ARHGAP35: variants seen among roughly 807,000 people sequenced by gnomAD.
ARHGAP35 encodes rho GTPase-activating protein 35.
In ARHGAP35, 15 loss-of-function variants were observed where a neutral mutation model predicts 111.1. The ratio of observed to expected loss-of-function variants is 0.13; its 90% CI spans 0.09 to 0.21. The LOEUF is 0.21. Among genes scored for constraint, ARHGAP35 ranks in the 10% least tolerant of loss-of-function variants. The pLI, the probability that ARHGAP35 is intolerant of heterozygous loss-of-function variation, is 1.00. For missense variants in ARHGAP35, 1,262 were observed against 1,873.0 expected (o/e 0.67, Z 6.02); for synonymous variants, 643 against 710.3 (o/e 0.91, Z 1.51).
In ARHGAP35 at chr19:47,001,287, C is replaced by T; in HGVS notation, c.*599C>T. On this transcript the variant is annotated 3_prime_UTR_variant, in exon 7 of 7. Transcript: ENST00000672722. The surrounding 1 kb of genome is among the most constrained non-coding windows in gnomAD (Gnocchi z 5.4). ...AACGGAGGATAGCTTTGTGCCTGGA[C>T]CCAGAGAGTGTGGGACTCCCCGCTT... 7.8e-7 allele frequency: 1 copy of T among 1,290,262 alleles called. No homozygotes were observed. Among genetic ancestry groups the T allele is most frequent in the Non-Finnish European group, 1.0e-6 (1 of 989,270 alleles). 79.9% of individuals were successfully genotyped at this position (1,290,262 alleles called of 1,614,324 possible).
chr19:46,933,808 G>A (rs929090914), intron 2 of ARHGAP35, among the ~76,000 whole-genome samples: 3 of 152,264 alleles, frequency 2.0e-5, no homozygotes, highest in South Asian at 2.1e-4. Context: ...ATGACAGAGC[G>A]AGACCCTATC....
intron 1 of ARHGAP35, among the ~76,000 whole-genome samples, chr19:46,872,737 C>T (rs1212035954): frequency 2.6e-5 from 4 of 151,886 alleles, no homozygotes; most frequent in East Asian, 1.9e-4. Context: ...AAAAATTAGC[C>T]GGGCATGGTG....
Position 46,922,082 on chromosome 19 carries a change from G to A in ARHGAP35, c.3407G>A (p.Ser1136Asn). 6 of 1,614,050 alleles carry A rather than the reference G, an allele frequency of 3.7e-6. No homozygotes were observed. Among genetic ancestry groups the A allele is most frequent in the Non-Finnish European group, 5.1e-6 (6 of 1,179,896 alleles). Residue 1136 changes from serine (S) to asparagine (N), a missense_variant, in exon 2 of 7, where the codon AGT becomes AAT. Around this residue, in one of 8 missense-constraint regions of ARHGAP35, gnomAD observed 579 missense variants for 716.9 expected, o/e 0.81. Coordinates refer to ENST00000672722, the MANE Select transcript of ARHGAP35 (RefSeq NM_004491.5). This position sits in a 1 kb window ranked among gnomAD's most constrained non-coding sequence, Gnocchi z 4.0. ...AACGGCAGCGGGAATGGTTCTGACA[G>A]TGAAATGGACACCAGCTCTCTAGAG... Reference protein sequence around the residue: ...QSNGSGNGSDSEMDTSSLERG... With the variant: ...QSNGSGNGSDNEMDTSSLERG...
chr19:46,982,649 T>G (rs1028593022), intron 3 of ARHGAP35, among the ~76,000 whole-genome samples: 23 of 152,106 alleles, frequency 1.5e-4, no homozygotes, highest in Admixed American at 9.8e-4. Flanking sequence ...GACTAAGACT[T>G]CTCTGGAGCC....
intron 1 of ARHGAP35, among the ~76,000 whole-genome samples, chr19:46,872,470 T>G (rs1009313778): frequency 6.6e-6 from 1 of 152,072 alleles, no homozygotes; most frequent in African/African-American, 2.4e-5. Flanking sequence ...TTGGTTTTTC[T>G]TATAAACATA....
At chr19:46,879,341 C>T (rs528255898) in intron 1 of ARHGAP35, among the ~76,000 whole-genome samples, 1 of 152,128 alleles carries the variant, frequency 6.6e-6, no homozygotes, top group East Asian at 1.9e-4. Context: ...ATAATCCCAG[C>T]ACTTAGGGAG....
chr19:46,903,442 G>A (rs979659236), intron 1 of ARHGAP35, among the ~76,000 whole-genome samples: 2 of 152,190 alleles, frequency 1.3e-5, no homozygotes, highest in African/African-American at 2.4e-5. Flanking sequence ...GTGAGGCCAC[G>A]GAGGGAACCA....
chr19:46,969,507 G>A (rs535238173), intron 3 of ARHGAP35, among the ~76,000 whole-genome samples: 1 of 152,242 alleles, frequency 6.6e-6, no homozygotes, highest in South Asian at 2.1e-4. Flanking sequence ...CGGACTGCTT[G>A]AGGCACTGCT....
chr19:46,874,501 C>CTTTTTTTTTTTTTTTTTT (rs758783354), intron 1 of ARHGAP35, among the ~76,000 whole-genome samples: 3 of 114,466 alleles, frequency 2.6e-5, no homozygotes, highest in Admixed American at 1.0e-4. Flanking sequence ...TATGTTTTGT[C>CTTTTTTTTTTTTTTTTTT]TTTTTTTTTT....
intron 1 of ARHGAP35, among the ~76,000 whole-genome samples, chr19:46,863,645 C>T (rs1422694563): frequency 6.6e-6 from 1 of 151,956 alleles, no homozygotes; most frequent in Non-Finnish European, 1.5e-5. Flanking sequence ...AGTGTCCTTC[C>T]CTTCCCCCCC....
intron 1 of ARHGAP35, among the ~76,000 whole-genome samples, chr19:46,907,897 T>C (rs1377694078): frequency 1.3e-5 from 2 of 152,234 alleles, no homozygotes; most frequent in Non-Finnish European, 2.9e-5. Context: ...TAGCCTGTTT[T>C]GGGACTGGCA....
rs770462979 is a variant in ARHGAP35 at position 46,992,398 on chromosome 19, G to T, written c.4036+2723G>T. Among the ~76,000 whole-genome samples, 1 of 152,184 alleles carries T rather than the reference G, an allele frequency of 6.6e-6. No homozygotes were observed. The highest frequency in any genetic ancestry group is 2.4e-5 in the African/African-American group (1 of 41,444). On this transcript the variant is annotated intron_variant, in intron 5 of 6. Coordinates refer to ENST00000672722, the MANE Select transcript of ARHGAP35 (RefSeq NM_004491.5). The surrounding 1 kb of genome is among the most constrained non-coding windows in gnomAD (Gnocchi z 4.4). ...GTGCACAAACCCCAGCAAGGAAGGC[G>T]CGAGGAAGAGGGCTTCACAGGGGAG...
rs763639013 is a variant in ARHGAP35, at chr19:46,994,007, C to T, written c.4036+4332C>T. Among the ~76,000 whole-genome samples the T allele has an allele frequency of 3.9e-5, 6 of 152,154 alleles. No homozygotes were observed. The highest frequency in any genetic ancestry group is 1.3e-4 in the Admixed American group (2 of 15,278). On this transcript the variant is annotated intron_variant, in intron 5 of 6. Coordinates refer to ENST00000672722, the MANE Select transcript of ARHGAP35 (RefSeq NM_004491.5). This position sits in a 1 kb window ranked among gnomAD's most constrained non-coding sequence, Gnocchi z 5.4. ...CTGAGGGAGCAGAGGATGTGAGGATCGGGCCCTCCACAGTCTGGGTCCTGA... is the reference window on the plus strand; with the variant it reads ...CTGAGGGAGCAGAGGATGTGAGGATTGGGCCCTCCACAGTCTGGGTCCTGA...
intron 1 of ARHGAP35, among the ~76,000 whole-genome samples, chr19:46,884,092 T>G (rs2055980057): frequency 6.6e-6 from 1 of 152,168 alleles, no homozygotes; most frequent in Non-Finnish European, 1.5e-5. Flanking sequence ...TTACTAGTTT[T>G]TAGCTTTGTC....
intron 3 of ARHGAP35, among the ~76,000 whole-genome samples, chr19:46,946,263 T>C (rs1359823246): frequency 6.6e-6 from 1 of 152,212 alleles, no homozygotes; most frequent in Non-Finnish European, 1.5e-5. Flanking sequence ...GGTGTTTTGC[T>C]CTAAGAACAT....
intron 1 of ARHGAP35, among the ~76,000 whole-genome samples, chr19:46,910,539 A>G (rs529471167): frequency 6.7e-6 from 1 of 150,232 alleles, no homozygotes; most frequent in Non-Finnish European, 1.5e-5. Context: ...TGATCTGCCC[A>G]CTTTGGCCTC....
At chr19:46,961,605 G>A (rs559738512) in intron 3 of ARHGAP35, among the ~76,000 whole-genome samples, 163 of 152,210 alleles carry the variant, frequency 1.1e-3, no homozygotes, top group Middle Eastern at 6.8e-3. Flanking sequence ...CTATAAAGTA[G>A]AAAACCAGAA....
At chr19:46,868,467 G>A (rs564516730) in intron 1 of ARHGAP35, among the ~76,000 whole-genome samples, 1 of 152,256 alleles carries the variant, frequency 6.6e-6, no homozygotes, top group African/African-American at 2.4e-5. Context: ...TAATAGTCTT[G>A]AAGACTTTCA....
intron 1 of ARHGAP35, among the ~76,000 whole-genome samples, chr19:46,909,265 C>T (rs146521245): frequency 3.2e-4 from 48 of 152,072 alleles, no homozygotes; most frequent in African/African-American, 9.9e-4. Context: ...ATTGCACCAC[C>T]GCACTCCAGC....
Sources: gnomAD v4.1 joint callset for allele counts (sites outside exome capture counted in the v4.1 genomes callset) on GRCh38, gnomAD v4.1.1 for gene constraint, gnomAD v4.1.1 regional missense constraint, Gnocchi (gnomAD v3.1) non-coding constraint, MANE v1.5 for transcripts, NCBI Gene and HGNC (gene_info 2026-07-23, HGNC 2026-07-21) for gene names.